Variants in ZNF516 observed in about 807,000 individuals in gnomAD.
ZNF516 encodes the protein zinc finger protein 516.
A neutral mutation model predicts 79.7 loss-of-function variants in ZNF516; 19 were observed. The observed-to-expected ratio is 0.24, with a 90% CI of 0.17 to 0.35. The LOEUF (loss-of-function observed/expected upper bound fraction) is 0.35. Ranked by LOEUF, ZNF516 falls within the 10% of genes least tolerant of loss-of-function variation. The pLI, the probability that ZNF516 is intolerant of heterozygous loss-of-function variation, is 1.00. For missense variants in ZNF516, 1,678 were observed against 1,679.5 expected, an observed-to-expected ratio of 1.00 and a Z score of 0.02; for synonymous variants, 877 against 739.5, an observed-to-expected ratio of 1.19 and a Z score of -3.02.
chr18:76,380,296 C>G lies in ZNF516; in HGVS notation c.1818G>C (p.Gln606His). The G allele has an allele frequency of 4.3e-6, 7 of 1,613,138 alleles. No homozygotes were observed. The highest frequency in any genetic ancestry group is 5.9e-6 in the Non-Finnish European group (7 of 1,179,580). The change falls in exon 4 of 7, where the codon CAG (glutamine) becomes CAC (histidine). Residue 606 changes from glutamine to histidine, a missense_variant. By Grantham distance (24) the Gln-to-His change is conservative. This residue lies in a region of ZNF516 where 1,294 missense variants were observed against 1,248.3 expected (regional missense o/e 1.04). Coordinates refer to ENST00000443185, the MANE Select transcript of ZNF516 (RefSeq NM_014643.4). ...EGAPEPAPGG[Q>H]PRRCCFSEEV... Reference sequence around the variant, plus strand: ...CTTCGGAAAAGCAGCAGCGGCGCGGCTGTCCCCCTAGAGGAGGCAAAATAT... The same window carrying G: ...CTTCGGAAAAGCAGCAGCGGCGCGGGTGTCCCCCTAGAGGAGGCAAAATAT...
chr18:76,450,601 G>A (rs1291824843), intron 2 of ZNF516, among the ~76,000 whole-genome samples: 4 of 152,080 alleles, frequency 2.6e-5, no homozygotes, highest in Non-Finnish European at 5.9e-5. Context: ...TGGCCAACAC[G>A]AACTCTCCCG....
chr18:76,496,157 G>A, upstream of ZNF516: 3 of 822,996 alleles, frequency 3.6e-6, no homozygotes, highest in Non-Finnish European at 4.9e-6. Context: ...GGGGAGGGCG[G>A]GCGCGCGGGG....
chr18:76,422,214 T>C (rs1226166131), intron 3 of ZNF516, among the ~76,000 whole-genome samples: 3 of 152,164 alleles, frequency 2.0e-5, no homozygotes, highest in Admixed American at 6.5e-5. Flanking sequence ...AAACTGTTCC[T>C]GGAAAGGGCC....
intron 1 of ZNF516, among the ~76,000 whole-genome samples, chr18:76,486,374 CAAA>C (rs1555721459): frequency 1.3e-5 from 2 of 151,636 alleles, no homozygotes; most frequent in Admixed American, 1.3e-4. Context: ...TTTTCTGAAA[CAAA>C]AAAATTCCTA....
intron 3 of ZNF516, among the ~76,000 whole-genome samples, chr18:76,380,868 C>T (rs2074880543): frequency 6.6e-6 from 1 of 152,238 alleles, no homozygotes; most frequent in Non-Finnish European, 1.5e-5. Context: ...ATAGGGCTCC[C>T]TCCCTACGCA....
chr18:76,388,886 CTT>C (rs572411298), intron 3 of ZNF516: 4 of 152,426 alleles, frequency 2.6e-5, no homozygotes, highest in Non-Finnish European at 5.9e-5. Flanking sequence ...AGGGTCCTCT[CTT>C]CACACTGGGC....
At chr18:76,478,856 G>A (rs1304067661) in intron 1 of ZNF516, among the ~76,000 whole-genome samples, 1 of 152,122 alleles carries the variant, frequency 6.6e-6, no homozygotes, top group Non-Finnish European at 1.5e-5. Flanking sequence ...AGGAGTTCAA[G>A]ACCAGCCTGG....
chr18:76,441,964 C>T lies in ZNF516; in HGVS notation c.1091G>A (p.Arg364His), dbSNP rs556127878. 6.2e-6 allele frequency: 10 copies of T among 1,612,204 alleles called. No individual in the cohort carries two copies. The African/African-American group carries it at 1.3e-4, about 21-fold the overall frequency. ...CCCCTCCTCGGCCGGGGCGCGCGTGCGGCTGGCCTCGACTCTGCGGTGGAT... is the reference window on the plus strand; with the variant it reads ...CCCCTCCTCGGCCGGGGCGCGCGTGTGGCTGGCCTCGACTCTGCGGTGGAT... ...NAIHRRVEAS[R>H]TRAPAEEGAE... The change falls in exon 3 of 7, where the codon CGC becomes CAC. Residue 364 changes from arginine (R) to histidine (H), a missense_variant. Around this residue, in one of 5 missense-constraint regions of ZNF516, gnomAD observed 1,294 missense variants for 1,248.3 expected, o/e 1.04. Transcript: ENST00000443185.
chr18:76,384,751 C>A (rs1249810687), intron 3 of ZNF516, among the ~76,000 whole-genome samples: 2 of 151,998 alleles, frequency 1.3e-5, no homozygotes, highest in African/African-American at 2.4e-5. Flanking sequence ...CCGTGGCTCC[C>A]ATGCCACACA....
At chr18:76,423,494 CAT>C (rs537929824) in intron 3 of ZNF516, among the ~76,000 whole-genome samples, 24 of 151,420 alleles carry the variant, frequency 1.6e-4, no homozygotes, top group Admixed American at 3.9e-4. Flanking sequence ...GAAACACACA[CAT>C]GCCAGTGAAA....
rs539645284 is a variant in ZNF516, at chr18:76,451,058, G to C, written c.-157-7847C>G. ...AAGCAAAGCTGACTGGGAGACACCA[G>C]GGAGGAACAAAGGAGCGAGAGGAAA... On this transcript the variant is annotated intron_variant, in intron 2 of 6. Transcript: ENST00000443185. This position sits in a 1 kb window ranked among gnomAD's most constrained non-coding sequence, Gnocchi z 6.0. Among the ~76,000 whole-genome samples, 54 of 152,310 alleles carry C rather than the reference G, an allele frequency of 3.5e-4. No individual in the cohort carries two copies. Among genetic ancestry groups the C allele is most frequent in the African/African-American group, 6.5e-4 (27 of 41,562 alleles).
chr18:76,419,825 A>G (rs541582209), intron 3 of ZNF516, among the ~76,000 whole-genome samples: 1 of 152,372 alleles, frequency 6.6e-6, no homozygotes, highest in East Asian at 1.9e-4. Context: ...TGTCTTTATT[A>G]GCAGCATGAG....
At chr18:76,376,138 A>C (rs1302332889) in intron 4 of ZNF516, among the ~76,000 whole-genome samples, 1 of 152,236 alleles carries the variant, frequency 6.6e-6, no homozygotes, top group Non-Finnish European at 1.5e-5. Context: ...TTGTTCTGAC[A>C]GCTTCAACAC....
In ZNF516 at chr18:76,380,289, G is replaced by T. The variant is rs371323432; in HGVS notation, c.1825C>A (p.Arg609Ser). 29 of 1,613,248 alleles carry T rather than the reference G, an allele frequency of 1.8e-5. No homozygotes were observed. The African/African-American group carries it at 2.4e-4, about 13-fold the overall frequency. Reference protein sequence around the residue: ...PEPAPGGQPRRCCFSEEVTST... With the variant: ...PEPAPGGQPRSCCFSEEVTST... ...GTCACCTCTTCGGAAAAGCAGCAGC[G>T]GCGCGGCTGTCCCCCTAGAGGAGGC... Residue 609 changes from arginine (R) to serine (S), a missense_variant, in exon 4 of 7, where the codon CGC becomes AGC. Arg to Ser is a moderately radical substitution (Grantham distance 110, BLOSUM62 -1). This residue lies in a region of ZNF516 where 1,294 missense variants were observed against 1,248.3 expected (regional missense o/e 1.04). Coordinates refer to ENST00000443185, the MANE Select transcript of ZNF516 (RefSeq NM_014643.4).
chr18:76,429,500 G>T (rs1182877460), intron 3 of ZNF516, among the ~76,000 whole-genome samples: 2 of 152,168 alleles, frequency 1.3e-5, no homozygotes, highest in Non-Finnish European at 2.9e-5. Context: ...AGGAGTAGGG[G>T]GAGGAACAGA....
chr18:76,457,561 A>G (rs1912804055), intron 2 of ZNF516, among the ~76,000 whole-genome samples: 4 of 152,218 alleles, frequency 2.6e-5, no homozygotes, highest in Admixed American at 2.6e-4. Flanking sequence ...AGATTAAAAA[A>G]TACAAATTAG....
chr18:76,403,586 G>A (rs1019903895), intron 3 of ZNF516, among the ~76,000 whole-genome samples: 1 of 152,246 alleles, frequency 6.6e-6, no homozygotes, highest in Non-Finnish European at 1.5e-5. Context: ...TGACCCTCAC[G>A]TACCTCCTAC....
chr18:76,495,359 G>T (rs1226275288), upstream of ZNF516, among the ~76,000 whole-genome samples: 2 of 145,410 alleles, frequency 1.4e-5, no homozygotes, highest in African/African-American at 4.9e-5. Flanking sequence ...CGTCCGCCCC[G>T]CGGGGGCCCC....
intron 1 of ZNF516, among the ~76,000 whole-genome samples, chr18:76,473,141 T>A (rs1913941877): frequency 6.6e-6 from 1 of 152,084 alleles, no homozygotes. Context: ...ATATGCTTTC[T>A]GATTTTAATA....
Sources: allele counts gnomAD v4.1 joint callset (sites outside exome capture counted in the v4.1 genomes callset), GRCh38; gene constraint gnomAD v4.1.1; regional missense constraint gnomAD v4.1.1; non-coding constraint Gnocchi (gnomAD v3.1); transcripts MANE v1.5; gene names NCBI Gene and HGNC (gene_info 2026-07-23, HGNC 2026-07-21).